Variants in SPTBN1 observed in about 807,000 individuals in gnomAD.
SPTBN1 encodes spectrin beta chain, non-erythrocytic 1.
A neutral mutation model predicts 266.4 loss-of-function variants in SPTBN1; 32 were observed. That is an observed-to-expected ratio of 0.12 (90% CI 0.09 to 0.16). SPTBN1 has a LOEUF of 0.16. Ranked by LOEUF, SPTBN1 falls within the 10% of genes least tolerant of loss-of-function variation. The pLI, the probability that SPTBN1 is intolerant of heterozygous loss-of-function variation, is 1.00. For missense variants in SPTBN1, 2,296 were observed against 3,067.1 expected, an observed-to-expected ratio of 0.75 and a Z score of 5.94; for synonymous variants, 1,336 against 1,162.2, an observed-to-expected ratio of 1.15 and a Z score of -3.04.
chr2:54,515,895 G>A (rs1480547710), intron 1 of SPTBN1: 1 of 151,988 alleles, frequency 6.6e-6, no homozygotes, highest in Non-Finnish European at 1.5e-5. Context: ...ATATATCTAT[G>A]CTAATATGAA....
At chr2:54,613,448 A>G (rs1677367728) in intron 4 of SPTBN1, among the ~76,000 whole-genome samples, 1 of 152,168 alleles carries the variant, frequency 6.6e-6, no homozygotes, top group Non-Finnish European at 1.5e-5. Context: ...TTGCCCTACG[A>G]TTGGGCTTCA....
rs1553447706 is a variant in SPTBN1, at chr2:54,562,533, C to CTTTTTTCTTTTTT, written c.148+35973_148+35974insCTTTTTTTTTTTT. Among the ~76,000 whole-genome samples, 9 of 126,826 alleles carry CTTTTTTCTTTTTT rather than the reference C, an allele frequency of 7.1e-5. No individual in the cohort carries two copies. The East Asian group carries it at 1.5e-3, about 21-fold the overall frequency. The allele number at this position is 126,826 out of a possible 152,430, so 83.2% of individuals were successfully genotyped here. ...AAATGCTTACTTTTCTTTTCTTTTT[C>CTTTTTTCTTTTTT]TTTTTTTTTTTTGAGGCAAGGTCTG... On this transcript the variant is annotated intron_variant, in intron 2 of 35. Transcript: ENST00000356805.
chr2:54,612,408 C>T lies in SPTBN1; in HGVS notation c.474+74C>T, dbSNP rs1010085958. On this transcript the variant is annotated intron_variant, in intron 4 of 35. Transcript: ENST00000356805. ...GTATGAGCATTGTTATAGAGCTGGC[C>T]TCCCTGTATCAGAGGGATCGGGAAG... 1.0e-5 allele frequency: 15 copies of T among 1,485,270 alleles called. No individual in the cohort carries two copies. The African/African-American group carries it at 2.0e-4, about 19-fold the overall frequency. The allele number at this position is 1,485,270 out of a possible 1,614,324, so 92.0% of individuals were successfully genotyped here.
intron 3 of SPTBN1, among the ~76,000 whole-genome samples, chr2:54,611,805 T>A (rs1181217928): frequency 6.6e-6 from 1 of 152,092 alleles, no homozygotes; most frequent in Non-Finnish European, 1.5e-5. Context: ...CTCACAGGTG[T>A]TTTGTCATGC....
intron 2 of SPTBN1, among the ~76,000 whole-genome samples, chr2:54,539,695 A>G (rs990941727): frequency 6.6e-6 from 1 of 152,076 alleles, no homozygotes; most frequent in Non-Finnish European, 1.5e-5. Context: ...ACACACCACC[A>G]TGCCCAGCTA....
At chr2:54,472,123 G>A (rs1457892940) in intron 1 of SPTBN1, among the ~76,000 whole-genome samples, 3 of 140,612 alleles carry the variant, frequency 2.1e-5, no homozygotes, top group Non-Finnish European at 4.5e-5. Flanking sequence ...CGCCTCCTGG[G>A]TTCACACCAT....
In SPTBN1 at chr2:54,629,566, C is replaced by G. The variant is rs550168582; in HGVS notation, c.2432C>G (p.Pro811Arg). ...DTLHEQASAL[P>R]QEHAESPDVR... is the part of the protein sequence containing the mutation. ...CTGCACGAACAAGCCAGCGCCCTCC[C>G]CCAGGAGCATGCCGAGTCTCCAGAC... The change falls in exon 14 of 36, where the codon CCC (proline) becomes CGC (arginine). Residue 811 changes from proline (P) to arginine (R), a missense_variant. Coordinates refer to ENST00000356805, the MANE Select transcript of SPTBN1 (RefSeq NM_003128.3). 1.9e-6 allele frequency: 3 copies of G among 1,614,116 alleles called. No individual in the cohort carries two copies. In the African/African-American group the frequency reaches 4.0e-5, roughly 22 times the overall value.
At chr2:54,509,956 CTTTTTT>C (rs5831312) in intron 1 of SPTBN1, among the ~76,000 whole-genome samples, 11 of 131,632 alleles carry the variant, frequency 8.4e-5, no homozygotes, top group African/African-American at 3.1e-4. Context: ...TGCTTTCTTT[CTTTTTT>C]TTTTTTTTTT....
At chr2:54,464,364 A>G (rs1167834158) in intron 1 of SPTBN1, among the ~76,000 whole-genome samples, 1 of 152,232 alleles carries the variant, frequency 6.6e-6, no homozygotes, top group Non-Finnish European at 1.5e-5. Flanking sequence ...TTGGAAGAAT[A>G]TTACTGAGAT....
intron 1 of SPTBN1, among the ~76,000 whole-genome samples, chr2:54,500,084 A>G (rs1210896832): frequency 2.0e-5 from 3 of 152,244 alleles, no homozygotes; most frequent in Non-Finnish European, 4.4e-5. Flanking sequence ...TCTGTAATCT[A>G]CTAAAAGTGA....
At chr2:54,640,944 A>G (rs1227138873) in intron 18 of SPTBN1, among the ~76,000 whole-genome samples, 5 of 152,356 alleles carry the variant, frequency 3.3e-5, no homozygotes, top group African/African-American at 7.2e-5. Context: ...TACACCACCT[A>G]TTCTCTGGAA....
intron 1 of SPTBN1, among the ~76,000 whole-genome samples, chr2:54,521,150 G>C (rs1670414228): frequency 6.6e-6 from 1 of 152,206 alleles, no homozygotes; most frequent in Non-Finnish European, 1.5e-5. Context: ...GCTGGCCCTA[G>C]TCCCATGTGG....
chr2:54,481,387 CCTG>C (rs1668088434), intron 1 of SPTBN1, among the ~76,000 whole-genome samples: 1 of 134,044 alleles, frequency 7.5e-6, no homozygotes, highest in South Asian at 2.6e-4. Context: ...GCTGCAGAAA[CCTG>C]AGTGTGTGTG....
chr2:54,663,765 C>T (rs115137206), intron 32 of SPTBN1: 1 of 152,340 alleles, frequency 6.6e-6, no homozygotes, highest in African/African-American at 2.4e-5. Context: ...AACCCACTCA[C>T]GATACAACTT....
rs530200149 is a variant in SPTBN1, at chr2:54,585,646, G to C, written c.149-13446G>C. 2.6e-5 allele frequency among the ~76,000 whole-genome samples: 4 copies of C among 152,322 alleles called. No homozygotes were observed. The South Asian group carries it at 8.3e-4, about 32-fold the overall frequency. On this transcript the variant is annotated intron_variant, in intron 2 of 35. Transcript: ENST00000356805. The stretch of plus-strand genomic sequence containing the variant: ...ATATCTTTAAAATAATTGAATGGTA[G>C]CTGAGTATCAATTGTCTAATGCTGT...
chr2:54,515,130 C>G (rs1670049093), intron 1 of SPTBN1, among the ~76,000 whole-genome samples: 1 of 152,184 alleles, frequency 6.6e-6, no homozygotes, highest in South Asian at 2.1e-4. Flanking sequence ...GATGGATAAA[C>G]TGGCTTATCT....
rs1209522972 is a variant in SPTBN1, at chr2:54,631,686, G to A, written c.3564+75G>A. ...TGCCTTTTGAAATGTTTTGGCTGGG[G>A]CAGCTGGTTTAAACCACACCTGTAT... On this transcript the variant is annotated intron_variant, in intron 16 of 35. Transcript: ENST00000356805. 3.3e-6 allele frequency: 5 copies of A among 1,537,870 alleles called. No homozygotes were observed. The African/African-American group carries it at 6.8e-5, about 21-fold the overall frequency.
At chr2:54,482,216 A>T (rs1453453602) in intron 1 of SPTBN1, among the ~76,000 whole-genome samples, 1 of 152,042 alleles carries the variant, frequency 6.6e-6, no homozygotes, top group Non-Finnish European at 1.5e-5. Context: ...GAGGAGACTT[A>T]AAAAAATGCA....
At chr2:54,481,794 T>C (rs1264281686) in intron 1 of SPTBN1, among the ~76,000 whole-genome samples, 1 of 152,202 alleles carries the variant, frequency 6.6e-6, no homozygotes, top group African/African-American at 2.4e-5. Context: ...TAAAGCTGTT[T>C]GTTCGGAGTA....
Sources: gnomAD v4.1 joint callset for allele counts (sites outside exome capture counted in the v4.1 genomes callset) on GRCh38, gnomAD v4.1.1 for gene constraint, MANE v1.5 for transcripts, NCBI Gene and HGNC (gene_info 2026-07-23, HGNC 2026-07-21) for gene names.